The following SAMD5 variants were observed in gnomAD, a reference collection of about 807,000 sequenced individuals.
SAMD5 encodes sterile alpha motif domain-containing protein 5.
In SAMD5, 13 loss-of-function variants were observed where a neutral mutation model predicts 11.3. The ratio of observed to expected loss-of-function variants is 1.15; its 90% CI spans 0.75 to 1.83. The LOEUF is 1.83. Ranked by LOEUF, SAMD5 falls within the 40% of genes most tolerant of loss-of-function variation. The pLI, the probability that SAMD5 is intolerant of heterozygous loss-of-function variation, is 0.00. For missense variants in SAMD5, 255 were observed against 239.1 expected, an observed-to-expected ratio of 1.07 and a Z score of -0.44; for synonymous variants, 129 against 111.3, an observed-to-expected ratio of 1.16 and a Z score of -1.00.
At chr6:147,783,401 CG>C in the SAMD5 span, among the ~76,000 whole-genome samples, 1 of 119,800 alleles carries the variant, frequency 8.3e-6, no homozygotes, top group Non-Finnish European at 1.7e-5. Flanking sequence ...TGCGGGGGGT[CG>C]GGGCGGGGGG....
At position 147,613,738 on chromosome 6, in the gene SAMD5, G is replaced by A. The variant is rs111766813; in HGVS notation, c.162+104351G>A. On this transcript the variant is annotated intron_variant, in intron 1 of 1. Transcript: ENST00000566741. The stretch of plus-strand genomic sequence containing the variant: ...AAGGGTAGAGGAGGAGGAAGAGGAA[G>A]AGCAGAAGGGGGAAGGATGGAGAAA... 5.0e-3 allele frequency among the ~76,000 whole-genome samples: 765 copies of A among 151,800 alleles called. 11 individuals are homozygous for A. The highest frequency in any genetic ancestry group is 4.3e-3 in the Non-Finnish European group (289 of 67,810).
chr6:147,840,363 C>T, the SAMD5 span, among the ~76,000 whole-genome samples: 1 of 152,230 alleles, frequency 6.6e-6, no homozygotes, highest in Non-Finnish European at 1.5e-5. Flanking sequence ...CATATAACAT[C>T]TGTTGCAAGA....
chr6:147,908,753 A>G, the SAMD5 span, among the ~76,000 whole-genome samples: 1 of 152,236 alleles, frequency 6.6e-6, no homozygotes, highest in Non-Finnish European at 1.5e-5. Flanking sequence ...AGGAAAGCTT[A>G]TTGAAGGGAT....
the SAMD5 span, among the ~76,000 whole-genome samples, chr6:147,758,499 C>T: frequency 6.6e-6 from 1 of 152,344 alleles, no homozygotes; most frequent in East Asian, 1.9e-4. Flanking sequence ...GTCTGCCCAT[C>T]CTATCAGTGA....
intron 1 of SAMD5, among the ~76,000 whole-genome samples, chr6:147,605,540 G>C (rs1789686682): frequency 6.6e-6 from 1 of 152,090 alleles, no homozygotes; most frequent in East Asian, 1.9e-4. Context: ...GCTTGGAAAA[G>C]AAATACTTTT....
intron 1 of SAMD5, among the ~76,000 whole-genome samples, chr6:147,725,825 A>T (rs2128459609): frequency 6.6e-6 from 1 of 152,350 alleles, no homozygotes; most frequent in Non-Finnish European, 1.5e-5. Flanking sequence ...TAGGAAGAGA[A>T]AAAAGAGTGG....
the SAMD5 span, among the ~76,000 whole-genome samples, chr6:147,821,130 T>A: frequency 1.1e-4 from 16 of 152,308 alleles, no homozygotes; most frequent in African/African-American, 3.6e-4. Context: ...GAACCAAATG[T>A]CTCTTAAGCA....
intron 1 of SAMD5, among the ~76,000 whole-genome samples, chr6:147,668,463 A>T (rs920196849): frequency 6.6e-6 from 1 of 152,158 alleles, no homozygotes; most frequent in Non-Finnish European, 1.5e-5. Flanking sequence ...ACTTGGAGAT[A>T]TTGTGGGTTT....
At chr6:147,900,545 G>T in the SAMD5 span, among the ~76,000 whole-genome samples, 21 of 152,222 alleles carry the variant, frequency 1.4e-4, no homozygotes, top group African/African-American at 5.1e-4. Context: ...TAGGAGACAG[G>T]AGGCTAATGT....
the SAMD5 span, among the ~76,000 whole-genome samples, chr6:147,811,310 G>A: frequency 1.3e-5 from 2 of 152,174 alleles, no homozygotes; most frequent in African/African-American, 2.4e-5. Context: ...TAAAAGTGTA[G>A]TACAGGGGAG....
the SAMD5 span, among the ~76,000 whole-genome samples, chr6:147,747,877 A>G: frequency 6.6e-6 from 1 of 152,168 alleles, no homozygotes; most frequent in Non-Finnish European, 1.5e-5. Flanking sequence ...TCAAATAGCT[A>G]TTAAGTTTCC....
intron 1 of SAMD5, among the ~76,000 whole-genome samples, chr6:147,590,334 T>TGG (rs1789434578): frequency 6.6e-6 from 1 of 152,178 alleles, no homozygotes; most frequent in African/African-American, 2.4e-5. Context: ...CCGTGATAGC[T>TGG]GGGTCTGTGT....
chr6:147,538,126 C>T (rs887906330), intron 1 of SAMD5, among the ~76,000 whole-genome samples: 1 of 152,086 alleles, frequency 6.6e-6, no homozygotes, highest in Admixed American at 6.6e-5. Context: ...TTTAAGAAAA[C>T]CCTGTTATTT....
At chr6:147,647,237 G>C (rs1790418693) in intron 1 of SAMD5, among the ~76,000 whole-genome samples, 1 of 152,064 alleles carries the variant, frequency 6.6e-6, no homozygotes, top group South Asian at 2.1e-4. Context: ...TCATCATAAG[G>C]TTCTTTATTC....
chr6:147,875,538 C>G, the SAMD5 span, among the ~76,000 whole-genome samples: 1 of 152,152 alleles, frequency 6.6e-6, no homozygotes, highest in East Asian at 1.9e-4. Context: ...GTTCTATCCC[C>G]TAGAACAGGG....
intron 1 of SAMD5, among the ~76,000 whole-genome samples, chr6:147,551,706 A>G (rs1299731398): frequency 6.6e-6 from 1 of 151,570 alleles, no homozygotes; most frequent in African/African-American, 2.4e-5. Context: ...TGATAGTAAA[A>G]TGCAGTAATG....
At chr6:147,556,313 C>A (rs181453051) in intron 1 of SAMD5, among the ~76,000 whole-genome samples, 1 of 152,002 alleles carries the variant, frequency 6.6e-6, no homozygotes, top group African/African-American at 2.4e-5. Context: ...AGGATGGTCT[C>A]GATCTCCTGA....
At position 147,569,354 on chromosome 6, in the gene SAMD5, T is replaced by TA; in HGVS notation, c.*4899dup. Reference sequence around the variant, plus strand: ...ATTTTTTATTACTGCAGTTGAGAGATACCTTTTCAGAGGAAAACAAGAGGC... The same window carrying TA: ...ATTTTTTATTACTGCAGTTGAGAGATAACCTTTTCAGAGGAAAACAAGAGGC... On this transcript the variant is annotated 3_prime_UTR_variant, in exon 2 of 2. Coordinates refer to ENST00000367474, the MANE Select transcript of SAMD5 (RefSeq NM_001030060.3). 1.2e-6 allele frequency: 1 copy of TA among 806,998 alleles called. No individual in the cohort carries two copies. 50.0% of individuals were successfully genotyped at this position (806,998 alleles called of 1,614,324 possible). A position where few individuals can be genotyped will look rare whatever the true frequency, so the allele number is the denominator to read the frequency against.
rs554210837 is a variant in SAMD5, at chr6:147,564,810, T to C, written c.*354T>C. On this transcript the variant is annotated 3_prime_UTR_variant, in exon 2 of 2. Transcript: ENST00000367474. ...CATTTGAGTCATAACTTAGTTTAAG[T>C]ACAATATAACAAAAAGGTAGATTTC... 1.0e-6 allele frequency: 1 copy of C among 991,078 alleles called. No homozygotes were observed. The highest frequency in any genetic ancestry group is 1.7e-5 in the African/African-American group (1 of 57,482). 61.4% of individuals were successfully genotyped at this position (991,078 alleles called of 1,614,324 possible).
Sources: gnomAD v4.1 joint callset for allele counts (sites outside exome capture counted in the v4.1 genomes callset) on GRCh38, gnomAD v4.1.1 for gene constraint, MANE v1.5 for transcripts, NCBI Gene and HGNC (gene_info 2026-07-23, HGNC 2026-07-21) for gene names.